NELL2: variants seen among roughly 807,000 people sequenced by gnomAD.
NELL2 encodes protein kinase C-binding protein NELL2.
A neutral mutation model predicts 109.6 loss-of-function variants in NELL2; 41 were observed. The ratio of observed to expected loss-of-function variants is 0.37; its 90% CI spans 0.29 to 0.49. NELL2 has a LOEUF of 0.49. NELL2 is among the 20% of genes least tolerant of loss of function. NELL2 has a pLI of 0.98. For missense variants in NELL2, 900 were observed against 1,008.3 expected (o/e 0.89, Z 1.45); for synonymous variants, 355 against 344.7 (o/e 1.03, Z -0.33).
At chr12:44,783,614 A>G (rs1042402547) in intron 3 of NELL2, among the ~76,000 whole-genome samples, 2 of 152,052 alleles carry the variant, frequency 1.3e-5, no homozygotes, top group Admixed American at 6.6e-5. Context: ...TAATTCAAAA[A>G]CACAACTTAC....
At chr12:44,760,712 A>C (rs2136548110) in intron 9 of NELL2, among the ~76,000 whole-genome samples, 1 of 152,306 alleles carries the variant, frequency 6.6e-6, no homozygotes, top group East Asian at 1.9e-4. Context: ...AAAAAAAGTT[A>C]ACTAGATTAT....
chr12:44,800,748 G>C (rs535230388), intron 3 of NELL2, among the ~76,000 whole-genome samples: 2 of 152,148 alleles, frequency 1.3e-5, no homozygotes, highest in African/African-American at 4.8e-5. Flanking sequence ...GCCTGTGTAG[G>C]AATTTTCAAC....
rs144221168 is a variant in NELL2, at chr12:44,882,620, C to T, written c.39-6720G>A. On this transcript the variant is annotated intron_variant, in intron 1 of 20. Transcript: ENST00000333837. ...TCAGCTCACTGCAACATCCACCTCCCGAGTTCGAGCAATTCTCCTGCCTCA... is the reference window on the plus strand; with the variant it reads ...TCAGCTCACTGCAACATCCACCTCCTGAGTTCGAGCAATTCTCCTGCCTCA... 3.1e-3 allele frequency among the ~76,000 whole-genome samples: 470 copies of T among 151,634 alleles called. 9 individuals are homozygous for T. The highest frequency in any genetic ancestry group is 0.011 in the African/African-American group (445 of 41,176).
intron 15 of NELL2, among the ~76,000 whole-genome samples, chr12:44,563,591 T>G (rs1943552156): frequency 6.6e-6 from 1 of 152,182 alleles, no homozygotes; most frequent in Non-Finnish European, 1.5e-5. Flanking sequence ...CCAGGACACA[T>G]TTGTGAGTAA....
chr12:44,807,881 T>C (rs1439788002), intron 3 of NELL2, among the ~76,000 whole-genome samples: 2 of 152,026 alleles, frequency 1.3e-5, no homozygotes, highest in East Asian at 3.9e-4. Flanking sequence ...TTAATGACAG[T>C]TGCTTACACA....
intron 15 of NELL2, among the ~76,000 whole-genome samples, chr12:44,586,387 T>C (rs2136218068): frequency 6.6e-6 from 1 of 151,294 alleles, no homozygotes; most frequent in Middle Eastern, 3.5e-3. Context: ...AAAAATTAAA[T>C]ACATGAGTCT....
Position 44,721,327 on chromosome 12 carries a change from T to C in NELL2, c.995-6586A>G, listed in dbSNP as rs548489755. Reference sequence around the variant, plus strand: ...CAATTCATTTAGTCCTCTGACAATATGAAAAATAAATTGAATGACTGGAGG... The same window carrying C: ...CAATTCATTTAGTCCTCTGACAATACGAAAAATAAATTGAATGACTGGAGG... On this transcript the variant is annotated intron_variant, in intron 9 of 19. Coordinates refer to ENST00000429094, the MANE Select transcript of NELL2 (RefSeq NM_001145108.2). 1.2e-4 allele frequency among the ~76,000 whole-genome samples: 18 copies of C among 152,268 alleles called. No homozygotes were observed. The South Asian group carries it at 3.7e-3, about 32-fold the overall frequency.
At chr12:44,771,032 G>A (rs1304194338) in intron 9 of NELL2, among the ~76,000 whole-genome samples, 1 of 151,830 alleles carries the variant, frequency 6.6e-6, no homozygotes, top group African/African-American at 2.4e-5. Flanking sequence ...TTAAACCTGG[G>A]TTGAGATTTT....
intron 13 of NELL2, among the ~76,000 whole-genome samples, chr12:44,640,158 A>G (rs1946798484): frequency 6.6e-6 from 1 of 152,196 alleles, no homozygotes; most frequent in African/African-American, 2.4e-5. Context: ...ACAAATATAA[A>G]TGGGTTAAAA....
intron 19 of NELL2, among the ~76,000 whole-genome samples, chr12:44,519,753 GT>G (rs1374154959): frequency 6.6e-6 from 1 of 152,148 alleles, no homozygotes; most frequent in Non-Finnish European, 1.5e-5. Context: ...TAAGTAGCTT[GT>G]TTCTATGTTG....
intron 12 of NELL2, among the ~76,000 whole-genome samples, chr12:44,702,179 A>G (rs78977098): frequency 0.062 from 9,438 of 152,120 alleles, 969 homozygotes; most frequent in African/African-American, 0.21. Flanking sequence ...CCAATCTCTA[A>G]CACATCATCC....
intron 12 of NELL2, among the ~76,000 whole-genome samples, chr12:44,681,823 G>C (rs111951564): frequency 2.6e-5 from 4 of 151,878 alleles, no homozygotes; most frequent in Non-Finnish European, 5.9e-5. Context: ...ATCATTGTTG[G>C]ACATTTGGGT....
At chr12:44,791,097 G>GTATATATATATATATATACATATA (rs371450408) in intron 3 of NELL2, among the ~76,000 whole-genome samples, 2 of 38,490 alleles carry the variant, frequency 5.2e-5, no homozygotes, top group African/African-American at 1.0e-4. Flanking sequence ...ATATATATAT[G>GTATATATATATATATATACATATA]TATATATATA....
intron 3 of NELL2, among the ~76,000 whole-genome samples, chr12:44,802,868 T>A (rs1942878420): frequency 2.0e-5 from 3 of 151,964 alleles, no homozygotes; most frequent in African/African-American, 4.8e-5. Context: ...GTGGGCATGG[T>A]CAAGGGATGT....
intron 3 of NELL2, among the ~76,000 whole-genome samples, chr12:44,790,156 C>T (rs527339292): frequency 2.6e-5 from 4 of 152,122 alleles, no homozygotes; most frequent in Admixed American, 1.3e-4. Flanking sequence ...AAAAGATCAT[C>T]GCCTAGGCAC....
chr12:44,702,645 T>C (rs945174457), intron 12 of NELL2, among the ~76,000 whole-genome samples: 5 of 152,150 alleles, frequency 3.3e-5, no homozygotes, highest in Non-Finnish European at 7.4e-5. Context: ...GAAAAATCTT[T>C]TAAGATGAGG....
chr12:44,866,046 A>G (rs925096962), intron 2 of NELL2, among the ~76,000 whole-genome samples: 1 of 152,086 alleles, frequency 6.6e-6, no homozygotes, highest in Admixed American at 6.6e-5. Context: ...AAAGAGACTG[A>G]AGGAAGCACC....
chr12:44,617,734 T>C (rs763227284), intron 13 of NELL2, among the ~76,000 whole-genome samples: 2 of 134,406 alleles, frequency 1.5e-5, no homozygotes, highest in Non-Finnish European at 3.3e-5. Context: ...TTGTGAAGAA[T>C]AAATTTAAAG....
At chr12:44,735,870 T>C (rs1486550454) in intron 9 of NELL2, among the ~76,000 whole-genome samples, 2 of 152,122 alleles carry the variant, frequency 1.3e-5, no homozygotes, top group Non-Finnish European at 1.5e-5. Context: ...AATTCCATTC[T>C]TAATTTTCAT....
Sources: allele counts gnomAD v4.1 joint callset (sites outside exome capture counted in the v4.1 genomes callset), GRCh38; gene constraint gnomAD v4.1.1; transcripts MANE v1.5; gene names NCBI Gene and HGNC (gene_info 2026-07-23, HGNC 2026-07-21).